The following LARS2 variants were observed in gnomAD, a reference collection of about 807,000 sequenced individuals.
LARS2 encodes the protein leucine--tRNA ligase, mitochondrial.
LARS2 carries 81 observed loss-of-function variants against 116.6 expected under a neutral mutation model. The ratio of observed to expected loss-of-function variants is 0.69; its 90% confidence interval spans 0.58 to 0.84. The LOEUF (loss-of-function observed/expected upper bound fraction) is 0.84, where lower values mean the gene tolerates loss of function less well. Ranked by LOEUF, LARS2 falls within the 40% of genes least tolerant of loss-of-function variation. LARS2 has a pLI of 0.00. For missense variants in LARS2, 968 were observed against 1,114.5 expected, an observed-to-expected ratio of 0.87 and a Z score of 1.87; for synonymous variants, 396 against 407.2, an observed-to-expected ratio of 0.97 and a Z score of 0.33.
chr3:45,497,015 C>T (rs906717774), intron 14 of LARS2, among the ~76,000 whole-genome samples: 5 of 152,206 alleles, frequency 3.3e-5, no homozygotes, highest in Non-Finnish European at 5.9e-5. Context: ...AATAATGTAA[C>T]TCTACAGAGA....
intron 6 of LARS2, among the ~76,000 whole-genome samples, chr3:45,426,193 G>A (rs1300608419): frequency 6.6e-6 from 1 of 152,136 alleles, no homozygotes; most frequent in Non-Finnish European, 1.5e-5. Flanking sequence ...AACTAATAAC[G>A]AAGCCTCCGG....
chr3:45,540,818 C>T (rs1700783694), intron 20 of LARS2, among the ~76,000 whole-genome samples: 1 of 151,918 alleles, frequency 6.6e-6, no homozygotes, highest in South Asian at 2.1e-4. Flanking sequence ...CAGGGTCTTG[C>T]TCTGTCACCC....
chr3:45,449,442 A>G (rs1180684266), intron 7 of LARS2, among the ~76,000 whole-genome samples: 2 of 152,144 alleles, frequency 1.3e-5, no homozygotes, highest in Non-Finnish European at 2.9e-5. Flanking sequence ...GATTATAGGC[A>G]TGAGCCACCA....
Position 45,465,667 on chromosome 3 carries a change from G to T in LARS2, c.750+6781G>T, listed in dbSNP as rs184187919. Reference sequence around the variant, plus strand: ...TTCCTCCAGGAAAGGTCCTCCAGGGGTTGGTACAGGGCTGGGCCTTCGCTC... The same window carrying T: ...TTCCTCCAGGAAAGGTCCTCCAGGGTTTGGTACAGGGCTGGGCCTTCGCTC... On this transcript the variant is annotated intron_variant, in intron 8 of 21. Coordinates refer to ENST00000645846, the MANE Select transcript of LARS2 (RefSeq NM_015340.4). Among the ~76,000 whole-genome samples, 22 of 152,346 alleles carry T rather than the reference G, an allele frequency of 1.4e-4. No homozygotes were observed. In the East Asian group the frequency reaches 4.2e-3, roughly 29 times the overall value.
chr3:45,482,895 T>A (rs1699729550), intron 10 of LARS2, among the ~76,000 whole-genome samples: 1 of 152,314 alleles, frequency 6.6e-6, no homozygotes, highest in South Asian at 2.1e-4. Context: ...TGTCCTTCTC[T>A]GTGTTTCTAA....
At chr3:45,538,751 G>A (rs1226911419) in intron 20 of LARS2, among the ~76,000 whole-genome samples, 1 of 152,178 alleles carries the variant, frequency 6.6e-6, no homozygotes, top group Admixed American at 6.5e-5. Context: ...TAAGGCTATG[G>A]CACTGGCACA....
intron 17 of LARS2, among the ~76,000 whole-genome samples, chr3:45,516,963 G>A (rs1198077518): frequency 6.6e-6 from 1 of 152,250 alleles, no homozygotes; most frequent in Non-Finnish European, 1.5e-5. Flanking sequence ...TCAGCCCTAA[G>A]TGTTGTTGTG....
chr3:45,522,943 A>C lies in LARS2; in HGVS notation c.2293-1054A>C, dbSNP rs889718002. Among the ~76,000 whole-genome samples, 11 of 152,330 alleles carry C rather than the reference A, an allele frequency of 7.2e-5. No individual in the cohort carries two copies. In the South Asian group the frequency reaches 2.3e-3, roughly 32 times the overall value. On this transcript the variant is annotated intron_variant, in intron 19 of 21. Transcript: ENST00000645846. ...AAAAAAAAGGAAGTGTTCATATGGC[A>C]AGAATACCAATCCTGAAAATGTTAC... is the stretch of plus-strand genomic sequence containing the variant.
intron 7 of LARS2, among the ~76,000 whole-genome samples, chr3:45,449,651 ATC>A (rs1452665143): frequency 6.6e-6 from 1 of 152,128 alleles, no homozygotes; most frequent in Non-Finnish European, 1.5e-5. Context: ...GACCATAGCA[ATC>A]TCTTTTTATT....
chr3:45,522,689 G>A (rs999839461), intron 19 of LARS2, among the ~76,000 whole-genome samples: 2 of 152,064 alleles, frequency 1.3e-5, no homozygotes, highest in African/African-American at 4.8e-5. Flanking sequence ...GCAGTGAGCT[G>A]AGATCACACC....
rs143593013 is a variant in LARS2, at chr3:45,523,862, C to G, written c.2293-135C>G. 836 of 625,670 alleles carry G rather than the reference C, an allele frequency of 1.3e-3. 15 individuals are homozygous for G. In the East Asian group the frequency reaches 0.023, roughly 17 times the overall value. The allele number at this position is 625,670 out of a possible 1,614,324, so 38.8% of individuals were successfully genotyped here. ...CATTAAGTAGGGGAAGTTCATTGTCCCAAGCAGAAATGGATGGCAAAGGGG... is the reference window on the plus strand; with the variant it reads ...CATTAAGTAGGGGAAGTTCATTGTCGCAAGCAGAAATGGATGGCAAAGGGG... On this transcript the variant is annotated intron_variant, in intron 19 of 21. Coordinates refer to ENST00000645846, the MANE Select transcript of LARS2 (RefSeq NM_015340.4).
At chr3:45,501,843 T>C (rs959469766) in intron 15 of LARS2, among the ~76,000 whole-genome samples, 1 of 149,760 alleles carries the variant, frequency 6.7e-6, no homozygotes, top group African/African-American at 2.4e-5. Flanking sequence ...CATTTTGTAC[T>C]ATCCAACTTT....
intron 4 of LARS2, among the ~76,000 whole-genome samples, chr3:45,410,513 G>C (rs994811376): frequency 6.6e-6 from 1 of 152,074 alleles, no homozygotes; most frequent in Non-Finnish European, 1.5e-5. Context: ...AAGCAAAAAG[G>C]GAGGCTTTGT....
intron 20 of LARS2, among the ~76,000 whole-genome samples, chr3:45,528,047 GA>G (rs1313080781): frequency 6.6e-5 from 10 of 152,294 alleles, no homozygotes; most frequent in African/African-American, 2.4e-4. Flanking sequence ...CATTGCAGTG[GA>G]TATGGTGGCT....
chr3:45,526,546 A>G (rs1419669916), intron 20 of LARS2, among the ~76,000 whole-genome samples: 1 of 152,128 alleles, frequency 6.6e-6, no homozygotes, highest in African/African-American at 2.4e-5. Flanking sequence ...AGCCAGACAA[A>G]GCCTCCTGCT....
At chr3:45,443,054 A>G (rs1698940340) in intron 6 of LARS2, among the ~76,000 whole-genome samples, 1 of 152,166 alleles carries the variant, frequency 6.6e-6, no homozygotes, top group African/African-American at 2.4e-5. Flanking sequence ...TACACACCCC[A>G]GTTGTGACAA....
At chr3:45,480,795 C>T (rs1348619923) in intron 10 of LARS2, among the ~76,000 whole-genome samples, 2 of 152,208 alleles carry the variant, frequency 1.3e-5, no homozygotes, top group African/African-American at 4.8e-5. Context: ...TTTGTCCTAA[C>T]TGAGAAACTG....
chr3:45,452,472 G>T (rs546313485), intron 7 of LARS2, among the ~76,000 whole-genome samples: 3 of 151,370 alleles, frequency 2.0e-5, no homozygotes, highest in Non-Finnish European at 1.5e-5. Flanking sequence ...CCTTGATTTT[G>T]TCGTATGACA....
rs1437221308 is a variant in LARS2, at chr3:45,463,727, C to T, written c.750+4841C>T. ...GCCTGGCCAGACCCTAGGCAGGGTGCTAAGAATACAGACAGAGCAGCTGAG... is the reference window on the plus strand; with the variant it reads ...GCCTGGCCAGACCCTAGGCAGGGTGTTAAGAATACAGACAGAGCAGCTGAG... On this transcript the variant is annotated intron_variant, in intron 8 of 21. Transcript: ENST00000645846. 2.0e-5 allele frequency among the ~76,000 whole-genome samples: 3 copies of T among 151,876 alleles called. No individual in the cohort carries two copies. In the East Asian group the frequency reaches 5.8e-4, roughly 29 times the overall value.
Sources: gnomAD v4.1 joint callset for allele counts (sites outside exome capture counted in the v4.1 genomes callset) on GRCh38, gnomAD v4.1.1 for gene constraint, MANE v1.5 for transcripts, NCBI Gene and HGNC (gene_info 2026-07-23, HGNC 2026-07-21) for gene names.